The following RPS6KA5 variants were observed in gnomAD, a reference collection of about 807,000 sequenced individuals.
RPS6KA5 encodes ribosomal protein S6 kinase alpha-5.
Under a neutral mutation model 85.5 loss-of-function variants are expected in RPS6KA5, and 27 were observed. The observed-to-expected ratio is 0.32, with a 90% confidence interval of 0.23 to 0.44. RPS6KA5 has a LOEUF of 0.44. Among genes scored for constraint, RPS6KA5 ranks in the 20% least tolerant of loss-of-function variants. The pLI is 1.00. For missense variants in RPS6KA5, 811 were observed against 980.9 expected, an observed-to-expected ratio of 0.83 and a Z score of 2.31; for synonymous variants, 334 against 348.2, an observed-to-expected ratio of 0.96 and a Z score of 0.46.
chr14:90,882,153 AG>A (rs1256295199), intron 14 of RPS6KA5, among the ~76,000 whole-genome samples: 4 of 152,232 alleles, frequency 2.6e-5, no homozygotes, highest in Admixed American at 2.6e-4. Context: ...TATATTCTAT[AG>A]CTATTTTCTT....
chr14:90,965,303 G>A (rs1199284157), intron 3 of RPS6KA5, among the ~76,000 whole-genome samples: 1 of 152,072 alleles, frequency 6.6e-6, no homozygotes, highest in African/African-American at 2.4e-5. Context: ...GAACCTGGGA[G>A]GTGGAGATTG....
intron 1 of RPS6KA5, among the ~76,000 whole-genome samples, chr14:91,053,249 C>A (rs1296280193): frequency 2.6e-5 from 4 of 152,164 alleles, no homozygotes. Context: ...CCATAGCTAA[C>A]CCCATACTCA....
rs2032586243 is a variant in RPS6KA5 at position 90,862,147 on chromosome 14, A to C, written c.*9927T>G. The C allele has an allele frequency of 6.6e-6, 1 of 152,182 alleles. No homozygotes were observed. The highest frequency in any genetic ancestry group is 2.1e-4 in the South Asian group (1 of 4,834). The allele number at this position is 152,182 out of a possible 1,614,324, so 9.4% of individuals were successfully genotyped here. On this transcript the variant is annotated 3_prime_UTR_variant, in exon 17 of 17. Coordinates refer to ENST00000614987, the MANE Select transcript of RPS6KA5 (RefSeq NM_004755.4). ...GATATAGGACAAAAATGTAAAAGAAATTGTAAGATGGTAGACTTAAAACCA... is the reference window on the plus strand; with the variant it reads ...GATATAGGACAAAAATGTAAAAGAACTTGTAAGATGGTAGACTTAAAACCA...
rs2032369956 is a variant in RPS6KA5 at position 90,858,054 on chromosome 14, G to C, written c.*14020C>G. On this transcript the variant is annotated 3_prime_UTR_variant, in exon 17 of 17. Transcript: ENST00000614987. ...GATTACCACCAGATTTTTGCTTTTG[G>C]CCACAATAGAGTAGCTTGTGATTGG... 6.6e-6 allele frequency: 1 copy of C among 151,984 alleles called. No homozygotes were observed. The highest frequency in any genetic ancestry group is 1.5e-5 in the Non-Finnish European group (1 of 68,004). The allele number at this position is 151,984 out of a possible 1,614,324, so 9.4% of individuals were successfully genotyped here.
chr14:90,890,479 G>T lies in RPS6KA5; in HGVS notation c.1836+8C>A. On this transcript the variant is annotated splice_region_variant and intron_variant, in intron 14 of 16. Transcript: ENST00000614987. ...GCAGGTTTAATGACTGTATTGAAAA[G>T]AACTCACCAAAATGACGCCCAAGCT... 2 of 1,598,596 alleles carry T rather than the reference G, an allele frequency of 1.3e-6. No homozygotes were observed. The highest frequency in any genetic ancestry group is 1.7e-6 in the Non-Finnish European group (2 of 1,171,884).
intron 1 of RPS6KA5, among the ~76,000 whole-genome samples, chr14:91,054,717 G>A (rs183015543): frequency 2.4e-4 from 37 of 151,876 alleles, no homozygotes; most frequent in African/African-American, 8.0e-4. Context: ...TTGGGAGGCC[G>A]AGGAGGGAGA....
At chr14:90,950,658 T>C (rs1429385116) in intron 3 of RPS6KA5, among the ~76,000 whole-genome samples, 3 of 152,230 alleles carry the variant, frequency 2.0e-5, no homozygotes, top group Non-Finnish European at 2.9e-5. Context: ...TGCTTTGTGT[T>C]CTTTATCCTG....
intron 2 of RPS6KA5, among the ~76,000 whole-genome samples, chr14:90,988,533 G>A (rs1334180728): frequency 6.6e-6 from 1 of 152,170 alleles, no homozygotes; most frequent in African/African-American, 2.4e-5. Context: ...ATACAAATAA[G>A]AGGCTGGGCA....
chr14:90,878,932 TTG>T (rs1401597719), intron 14 of RPS6KA5, among the ~76,000 whole-genome samples: 3 of 152,194 alleles, frequency 2.0e-5, no homozygotes, highest in African/African-American at 7.2e-5. Flanking sequence ...TAGGTTTCAG[TTG>T]CTCTGATTGT....
intron 4 of RPS6KA5, among the ~76,000 whole-genome samples, chr14:90,946,202 G>A (rs2140364779): frequency 6.6e-6 from 1 of 152,178 alleles, no homozygotes; most frequent in African/African-American, 2.4e-5. Flanking sequence ...ATAATTCCAT[G>A]AAAAGAAGTC....
chr14:90,893,493 T>C lies in RPS6KA5; in HGVS notation c.1644+920A>G, dbSNP rs1036175250. On this transcript the variant is annotated intron_variant, in intron 13 of 16. Coordinates refer to ENST00000614987, the MANE Select transcript of RPS6KA5 (RefSeq NM_004755.4). The stretch of plus-strand genomic sequence containing the variant: ...GTAGAGAAGAAAAGAATTCCATTTT[T>C]AAAACATCCTCTTCTAATAATTCAA... 4.6e-5 allele frequency among the ~76,000 whole-genome samples: 7 copies of C among 152,192 alleles called. No individual in the cohort carries two copies. The South Asian group carries it at 1.4e-3, about 31-fold the overall frequency.
rs923792114 is a variant in RPS6KA5, at chr14:90,859,349, A to T, written c.*12725T>A. 6 of 152,220 alleles carry T rather than the reference A, an allele frequency of 3.9e-5. No homozygotes were observed. The highest frequency in any genetic ancestry group is 1.2e-4 in the African/African-American group (5 of 41,446). The allele number at this position is 152,220 out of a possible 1,614,324, so 9.4% of individuals were successfully genotyped here. ...TCACCAAACTTATAAGGCATGCTAAAAAACAGCACCAAATGACTGACAACA... is the reference window on the plus strand; with the variant it reads ...TCACCAAACTTATAAGGCATGCTAATAAACAGCACCAAATGACTGACAACA... On this transcript the variant is annotated 3_prime_UTR_variant, in exon 17 of 17. Transcript: ENST00000614987.
rs181184222 is a variant in RPS6KA5 at position 90,907,474 on chromosome 14, G to A, written c.807-1175C>T. Reference sequence around the variant, plus strand: ...TAGAGTGCTTAACATAGTACCTAGCGCATAGCAAATGCTCAATCAATGTGA... The same window carrying A: ...TAGAGTGCTTAACATAGTACCTAGCACATAGCAAATGCTCAATCAATGTGA... On this transcript the variant is annotated intron_variant, in intron 7 of 16. Transcript: ENST00000614987. Among the ~76,000 whole-genome samples, 287 of 152,220 alleles carry A rather than the reference G, an allele frequency of 1.9e-3. 1 individual carries two copies. The highest frequency in any genetic ancestry group is 6.4e-3 in the African/African-American group (267 of 41,514).
At chr14:90,873,843 G>A (rs2033282328) in intron 15 of RPS6KA5, 48 bp from the exon 16 acceptor site, 2 of 1,532,422 alleles carry the variant, frequency 1.3e-6, no homozygotes, top group Non-Finnish European at 1.8e-6. Flanking sequence ...TTTAAACATG[G>A]TTTAAAAACA....
intron 3 of RPS6KA5, among the ~76,000 whole-genome samples, chr14:90,964,814 C>A (rs573074390): frequency 8.7e-5 from 13 of 149,094 alleles, no homozygotes; most frequent in African/African-American, 3.2e-4. Context: ...ACTTGGGAGG[C>A]TGAGGCAGGA....
chr14:90,994,166 C>T (rs1482542775), intron 2 of RPS6KA5, among the ~76,000 whole-genome samples: 1 of 152,180 alleles, frequency 6.6e-6, no homozygotes, highest in Non-Finnish European at 1.5e-5. Flanking sequence ...TGAGCCACCA[C>T]ACCCGGCCTA....
At chr14:90,925,829 T>C (rs1224165115) in intron 5 of RPS6KA5, among the ~76,000 whole-genome samples, 1 of 144,164 alleles carries the variant, frequency 6.9e-6, no homozygotes, top group Non-Finnish European at 1.5e-5. Flanking sequence ...TAGTCCCAGC[T>C]ACTTGGGAGA....
chr14:90,926,415 C>CT (rs2036671673), intron 5 of RPS6KA5, among the ~76,000 whole-genome samples: 1 of 150,664 alleles, frequency 6.6e-6, no homozygotes, highest in Non-Finnish European at 1.5e-5. Flanking sequence ...AAAAAAAAGA[C>CT]TTAGTAAAAT....
chr14:90,852,388 T>A lies in RPS6KA5; in HGVS notation c.*19686A>T, dbSNP rs2032046630. On this transcript the variant is annotated 3_prime_UTR_variant, in exon 17 of 17. Coordinates refer to ENST00000614987, the MANE Select transcript of RPS6KA5 (RefSeq NM_004755.4). The stretch of plus-strand genomic sequence containing the variant: ...AATGGAAATTTCTTCTAAAATGGTT[T>A]TTCAAAGCTATGGCTCATAAGGAAA... 6.6e-6 allele frequency: 1 copy of A among 152,162 alleles called. No homozygotes were observed. Among genetic ancestry groups the A allele is most frequent in the Admixed American group, 6.5e-5 (1 of 15,270 alleles). 9.4% of individuals were successfully genotyped at this position (152,162 alleles called of 1,614,324 possible). A position where few individuals can be genotyped will look rare whatever the true frequency, so the allele number is the denominator to read the frequency against.
Sources: allele counts gnomAD v4.1 joint callset (sites outside exome capture counted in the v4.1 genomes callset), GRCh38; gene constraint gnomAD v4.1.1; transcripts MANE v1.5; gene names NCBI Gene and HGNC (gene_info 2026-07-23, HGNC 2026-07-21).